The following HINT3 variants were observed in gnomAD, a reference collection of about 807,000 sequenced individuals.
HINT3 encodes the protein histidine triad nucleotide binding protein 3.
Under a neutral mutation model 19.1 loss-of-function variants are expected in HINT3, and 16 were observed. The ratio of observed to expected loss-of-function variants is 0.84; its 90% CI spans 0.57 to 1.27. HINT3 has a LOEUF of 1.27. Ranked by LOEUF, HINT3 falls within the 50% of genes most tolerant of loss-of-function variation. The pLI is 0.00. For missense variants in HINT3, 197 were observed against 225.8 expected (o/e 0.87, Z 0.82); for synonymous variants, 75 against 84.8 (o/e 0.88, Z 0.63).
At chr6:125,966,735 TTAATGCG>T in intron 1 of HINT3, 145 bp from the exon 2 acceptor site, 2 of 521,004 alleles carry the variant, frequency 3.8e-6, no homozygotes, top group South Asian at 5.9e-5. Flanking sequence ...TGTTATGAAC[TTAATGCG>T]TAATTATAAA....
chr6:125,971,873 C>T (rs1789106359), intron 2 of HINT3, among the ~76,000 whole-genome samples: 1 of 151,926 alleles, frequency 6.6e-6, no homozygotes, highest in South Asian at 2.1e-4. Flanking sequence ...CCACGCCCGG[C>T]TAATTTTTTT....
Position 125,979,127 on chromosome 6 carries a change from T to C in HINT3, c.*1451T>C, listed in dbSNP as rs2128712501. ...GCAGGTAGACAGTGACTGGTTAGGC[T>C]GAGAAACTTACAAGTATTTTCGTTG... On this transcript the variant is annotated 3_prime_UTR_variant, in exon 5 of 5. Coordinates refer to ENST00000229633, the MANE Select transcript of HINT3 (RefSeq NM_138571.5). The C allele has an allele frequency of 6.6e-6, 1 of 152,322 alleles. No individual in the cohort carries two copies. The highest frequency in any genetic ancestry group is 2.1e-4 in the South Asian group (1 of 4,822). The allele number at this position is 152,322 out of a possible 1,614,324, so 9.4% of individuals were successfully genotyped here.
At chr6:125,975,598 T>TTTTTTTTTTA (rs1583592271) in intron 4 of HINT3, among the ~76,000 whole-genome samples, 1 of 151,228 alleles carries the variant, frequency 6.6e-6, no homozygotes, top group African/African-American at 2.4e-5. Context: ...TTTTTTTTTT[T>TTTTTTTTTTA]GAGACAGTCT....
At chr6:125,960,440 C>T (rs563117576) in intron 1 of HINT3, among the ~76,000 whole-genome samples, 4 of 152,234 alleles carry the variant, frequency 2.6e-5, no homozygotes, top group East Asian at 1.9e-4. Flanking sequence ...AGGCGGATCA[C>T]GAGGTCAGGA....
chr6:125,961,760 G>A (rs1788930396), intron 1 of HINT3, among the ~76,000 whole-genome samples: 1 of 152,016 alleles, frequency 6.6e-6, no homozygotes, highest in Non-Finnish European at 1.5e-5. Flanking sequence ...GGCCTTTTAT[G>A]GAGTCTTCAT....
In HINT3 at chr6:125,956,856, C is replaced by T. The variant is rs1788839834; in HGVS notation, c.-122C>T. The T allele has an allele frequency of 9.7e-7, 1 of 1,031,746 alleles. No individual in the cohort carries two copies. The highest frequency in any genetic ancestry group is 1.4e-6 in the Non-Finnish European group (1 of 719,364). 63.9% of individuals were successfully genotyped at this position (1,031,746 alleles called of 1,614,324 possible). A position where few individuals can be genotyped will look rare whatever the true frequency, so the allele number is the denominator to read the frequency against. ...TCCCTCTCCCCAAAGCCTGGATCAC[C>T]GCCCAGCGTCAGGCGAGGGGCGACG... is the stretch of plus-strand genomic sequence containing the variant. On this transcript the variant is annotated 5_prime_UTR_variant, in exon 1 of 5. Coordinates refer to ENST00000229633, the MANE Select transcript of HINT3 (RefSeq NM_138571.5).
chr6:125,966,013 A>G (rs1789012290), intron 1 of HINT3, among the ~76,000 whole-genome samples: 1 of 152,192 alleles, frequency 6.6e-6, no homozygotes. Flanking sequence ...ATTGAGCAGC[A>G]TTGCATTCAT....
At chr6:125,959,698 T>C (rs1246193212) in intron 1 of HINT3, among the ~76,000 whole-genome samples, 1 of 152,162 alleles carries the variant, frequency 6.6e-6, no homozygotes, top group South Asian at 2.1e-4. Context: ...ACAGGAGAAG[T>C]TGGGGATTAA....
intron 1 of HINT3, among the ~76,000 whole-genome samples, chr6:125,963,247 C>T (rs146707421): frequency 2.8e-4 from 43 of 152,124 alleles, no homozygotes; most frequent in African/African-American, 8.2e-4. Context: ...TCTTGACATC[C>T]GTGAAGCTAG....
chr6:125,974,947 A>G lies in HINT3; in HGVS notation c.490A>G (p.Arg164Gly), dbSNP rs776144718. Residue 164 changes from arginine (R) to glycine (G), a missense_variant, in exon 4 of 5, where the codon AGA becomes GGA. Physicochemically the swap from Arg to Gly is moderately radical, Grantham distance 125. Coordinates refer to ENST00000229633, the MANE Select transcript of HINT3 (RefSeq NM_138571.5). ...TGGCTTCTTATCCAAGTTGGTTTAT[A>G]GAGTCAATTCCTATTGGTTTATCAC... ...QLGFLSKLVY[R>G]VNSYWFITAD... 1 of 1,614,040 alleles carries G rather than the reference A, an allele frequency of 6.2e-7. No homozygotes were observed. Among genetic ancestry groups the G allele is most frequent in the East Asian group, 2.2e-5 (1 of 44,864 alleles).
At chr6:125,970,696 A>G (rs1031054294) in intron 2 of HINT3, among the ~76,000 whole-genome samples, 7 of 152,148 alleles carry the variant, frequency 4.6e-5, no homozygotes, top group African/African-American at 1.7e-4. Flanking sequence ...CATTTACAGA[A>G]CTCCACTTAA....
At chr6:125,968,868 T>G (rs1194264652) in intron 2 of HINT3, among the ~76,000 whole-genome samples, 1 of 152,188 alleles carries the variant, frequency 6.6e-6, no homozygotes, top group African/African-American at 2.4e-5. Context: ...GATTTTTGGT[T>G]GTTTAATTGT....
At chr6:125,974,477 G>C (rs1789152606) in intron 3 of HINT3, among the ~76,000 whole-genome samples, 1 of 152,198 alleles carries the variant, frequency 6.6e-6, no homozygotes, top group African/African-American at 2.4e-5. Context: ...ACGACTACTT[G>C]AGTGTCCAGT....
At chr6:125,975,731 C>T (rs756819674) in intron 4 of HINT3, among the ~76,000 whole-genome samples, 1 of 152,170 alleles carries the variant, frequency 6.6e-6, no homozygotes, top group African/African-American at 2.4e-5. Context: ...GTGCATGCCA[C>T]CATGCCCAGC....
rs1263261158 is a variant in HINT3, at chr6:125,973,310, A to G, written c.389+982A>G. ...GCCAGGCTGGTCTCGAACTCCTGACATCAAGTGATCCGCCCGCCTTGGCCT... is the reference window on the plus strand; with the variant it reads ...GCCAGGCTGGTCTCGAACTCCTGACGTCAAGTGATCCGCCCGCCTTGGCCT... On this transcript the variant is annotated intron_variant, in intron 3 of 4. Coordinates refer to ENST00000229633, the MANE Select transcript of HINT3 (RefSeq NM_138571.5). Among the ~76,000 whole-genome samples, 3 of 151,896 alleles carry G rather than the reference A, an allele frequency of 2.0e-5. No homozygotes were observed. The South Asian group carries it at 6.2e-4, about 32-fold the overall frequency.
At chr6:125,973,071 T>TTTTC (rs1341673943) in intron 3 of HINT3, among the ~76,000 whole-genome samples, 1 of 111,798 alleles carries the variant, frequency 8.9e-6, no homozygotes, top group African/African-American at 3.9e-5. Context: ...TCAACTTTTT[T>TTTTC]TTTTTTTTTT....
chr6:125,963,807 G>T (rs1373837377), intron 1 of HINT3, among the ~76,000 whole-genome samples: 1 of 152,142 alleles, frequency 6.6e-6, no homozygotes, highest in Non-Finnish European at 1.5e-5. Context: ...AATGAGAAAA[G>T]GTTGAGACAC....
intron 1 of HINT3, among the ~76,000 whole-genome samples, chr6:125,958,280 G>A (rs181516457): frequency 9.6e-4 from 146 of 152,164 alleles, no homozygotes; most frequent in African/African-American, 3.4e-3. Flanking sequence ...GAGTTTGAGA[G>A]GATGAAAGGC....
rs149094456 is a variant in HINT3, at chr6:125,975,581, G to GTTTTTTTTTTTTTTTTTTTT, written c.516+610_516+611insTTTTTTTTTTTTTTTTTTTT. The stretch of plus-strand genomic sequence containing the variant: ...CACCTATCAGATCTGTGGCTGAAGA[G>GTTTTTTTTTTTTTTTTTTTT]TTGTTTTTTTTTTTTTTGAGACAGT... On this transcript the variant is annotated intron_variant, in intron 4 of 4. Transcript: ENST00000229633. Among the ~76,000 whole-genome samples the GTTTTTTTTTTTTTTTTTTTT allele has an allele frequency of 2.1e-5, 3 of 143,616 alleles. 1 individual carries two copies. Among genetic ancestry groups the GTTTTTTTTTTTTTTTTTTTT allele is most frequent in the Non-Finnish European group, 3.0e-5 (2 of 66,408 alleles). 94.2% of individuals were successfully genotyped at this position (143,616 alleles called of 152,430 possible). A position where few individuals can be genotyped will look rare whatever the true frequency, so the allele number is the denominator to read the frequency against.
Sources: gnomAD v4.1 joint callset for allele counts (sites outside exome capture counted in the v4.1 genomes callset) on GRCh38, gnomAD v4.1.1 for gene constraint, MANE v1.5 for transcripts, NCBI Gene and HGNC (gene_info 2026-07-23, HGNC 2026-07-21) for gene names.